The following FTCD variants were observed in gnomAD, a reference collection of about 807,000 sequenced individuals.
The protein encoded by FTCD is formimidoyltransferase-cyclodeaminase.
Under a neutral mutation model 62.9 loss-of-function variants are expected in FTCD, and 76 were observed. The observed-to-expected ratio is 1.21, with a 90% CI of 1.00 to 1.46. The LOEUF is 1.46. FTCD is among the 40% of genes most tolerant of loss of function. The probability of loss-of-function intolerance (pLI) is 0.00; values close to 1 mark genes in which losing one functional copy is unlikely to be tolerated. For missense variants in FTCD, 845 were observed against 751.3 expected, an observed-to-expected ratio of 1.12 and a Z score of -1.46; for synonymous variants, 397 against 336.9, an observed-to-expected ratio of 1.18 and a Z score of -1.95.
Position 46,137,071 on chromosome 21 carries a change from G to C in FTCD, c.1542C>G (p.Ile514Met), listed in dbSNP as rs1188258710. 1.9e-6 allele frequency: 3 copies of C among 1,613,802 alleles called. No individual in the cohort carries two copies. Among genetic ancestry groups the C allele is most frequent in the Non-Finnish European group, 1.7e-6 (2 of 1,179,996 alleles). Residue 514 changes from isoleucine (I) to methionine (M), a missense_variant and splice_region_variant, in exon 14 of 14, where the codon ATC becomes ATG. Coordinates refer to ENST00000397746, the MANE Select transcript of FTCD (RefSeq NM_206965.2). ...GCAGGAGGCTGGAAACACGATGGTG[G>C]ATCTGATGGACACAGGGAAAGAGGG... ...DITDEAFKDQ[I>M]HHRVSSLLQE...
intron 3 of FTCD, 52 bp downstream of exon 3, chr21:46,152,855 C>T (rs554903824): frequency 2.0e-6 from 3 of 1,481,034 alleles, no homozygotes; most frequent in Non-Finnish European, 1.8e-6. Context: ...GAGCCAATAA[C>T]CCACACCAAT....
At position 46,136,988 on chromosome 21, in the gene FTCD, C is replaced by T. The variant is rs2123473192; in HGVS notation, c.1625G>A (p.Ter542=). The T allele has an allele frequency of 6.2e-7, 1 of 1,613,290 alleles. No individual in the cohort carries two copies. Among genetic ancestry groups the T allele is most frequent in the East Asian group, 2.2e-5 (1 of 44,874 alleles). Reference sequence around the variant, plus strand: ...AGCCCGGAGAGGCCTCCCGCACCGTCACTCCTGCCGGGTCTCCAAGCAGTC... The same window carrying T: ...AGCCCGGAGAGGCCTCCCGCACCGTTACTCCTGCCGGGTCTCCAAGCAGTC... ...VLDCLETRQE[*] is the part of the protein sequence containing the mutation. Residue 542 remains the stop codon, a stop_retained_variant, in exon 14 of 14, where the codon TGA becomes TAA. Transcript: ENST00000397746.
At chr21:46,138,713 C>CTG in intron 11 of FTCD, 67 bp from the exon 12 acceptor site, 1 of 1,528,976 alleles carries the variant, frequency 6.5e-7, no homozygotes, top group Non-Finnish European at 9.0e-7. Flanking sequence ...CACACTGCAC[C>CTG]CCAACAGGGC....
At chr21:46,140,375 A>G (rs1324699720) in intron 10 of FTCD, among the ~76,000 whole-genome samples, 5 of 127,518 alleles carry the variant, frequency 3.9e-5, no homozygotes, top group African/African-American at 1.3e-4. Flanking sequence ...GTCCACCTTC[A>G]CGTGGCTCAC....
chr21:46,151,506 C>T, intron 5 of FTCD, 52 bp downstream of exon 5: 4 of 1,526,662 alleles, frequency 2.6e-6, no homozygotes, highest in Non-Finnish European at 3.6e-6. Context: ...CAGCCTCTAA[C>T]CCTTTCCCGA....
Position 46,137,301 on chromosome 21 carries a change from C to CA in FTCD, c.1476dup (p.Gly493TrpfsTer19), listed in dbSNP as rs749121951. The CA allele has an allele frequency of 2.5e-6, 4 of 1,613,724 alleles. No individual in the cohort carries two copies. Among genetic ancestry groups the CA allele is most frequent in the Non-Finnish European group, 3.4e-6 (4 of 1,179,968 alleles). ...TTGATGAGCACGTTGAAATATGCGCCAAACACGCCCATCTCCAGGGCTTTG... is the reference window on the plus strand; with the variant it reads ...TTGATGAGCACGTTGAAATATGCGCCAAAACACGCCCATCTCCAGGGCTTTG... On this transcript the variant is annotated frameshift_variant, in exon 13 of 14. Coordinates refer to ENST00000397746, the MANE Select transcript of FTCD (RefSeq NM_206965.2). LOFTEE classifies it high-confidence loss of function.
At chr21:46,137,386 G>T in intron 12 of FTCD, 52 bp from the exon 13 acceptor site, 1 of 1,349,456 alleles carries the variant, frequency 7.4e-7, no homozygotes, top group Non-Finnish European at 1.1e-6. Flanking sequence ...GCAAACTGCC[G>T]GAAGGAGGGT....
At chr21:46,144,661 TCCC>T (rs1413932363) in intron 10 of FTCD, among the ~76,000 whole-genome samples, 1 of 548 alleles carries the variant, frequency 1.8e-3, no homozygotes, top group African/African-American at 9.3e-3. Context: ...CCTCCCTCCC[TCCC>T]CATCCCTCCC....
intron 13 of FTCD, 48 bp from the exon 14 acceptor site, chr21:46,137,121 C>T (rs2078886916): frequency 6.2e-7 from 1 of 1,612,016 alleles, no homozygotes; most frequent in Non-Finnish European, 8.5e-7. Flanking sequence ...GTCTTCAGCC[C>T]AGCTTGCTGG....
chr21:46,139,935 T>C (rs566110140), intron 10 of FTCD, among the ~76,000 whole-genome samples: 1 of 152,304 alleles, frequency 6.6e-6, no homozygotes, highest in Admixed American at 6.5e-5. Flanking sequence ...GCCAAGGGTG[T>C]GCTTTAGGTG....
intron 2 of FTCD, among the ~76,000 whole-genome samples, chr21:46,153,486 C>G (rs1274944938): frequency 6.6e-6 from 1 of 152,206 alleles, no homozygotes; most frequent in African/African-American, 2.4e-5. Context: ...AGAATCCACT[C>G]TGCGTTTCCA....
rs1000375560 is a variant in FTCD, at chr21:46,150,402, A to C, written c.760T>G (p.Cys254Gly). Residue 254 changes from cysteine to glycine, a missense_variant, in exon 6 of 14, where the codon TGC becomes GGC. By Grantham distance (159) the Cys-to-Gly change is radical (BLOSUM62 -3). Coordinates refer to ENST00000397746, the MANE Select transcript of FTCD (RefSeq NM_206965.2). Reference protein sequence around the residue: ...TALHTVYEETCREAQELSLPV... With the variant: ...TALHTVYEETGREAQELSLPV... ...CCCGGGCTCACCTGTGCTTCTCGGC[A>C]GGTCTCCTCGTAGACCGTGTGCAGT... 1.2e-6 allele frequency: 2 copies of C among 1,612,772 alleles called. No individual in the cohort carries two copies. Among genetic ancestry groups the C allele is most frequent in the African/African-American group, 2.7e-5 (2 of 74,916 alleles).
chr21:46,141,756 G>A (rs1042558095), intron 10 of FTCD, among the ~76,000 whole-genome samples: 16 of 151,738 alleles, frequency 1.1e-4, no homozygotes, highest in African/African-American at 3.9e-4. Context: ...AGCCCCAAGA[G>A]AAACTAAGAT....
At chr21:46,139,476 C>T (rs1036412126) in intron 10 of FTCD, among the ~76,000 whole-genome samples, 1 of 152,168 alleles carries the variant, frequency 6.6e-6, no homozygotes, top group East Asian at 1.9e-4. Flanking sequence ...CAGCTGGGAC[C>T]ACACACCAAC....
chr21:46,152,180 C>A, intron 3 of FTCD, 200 bp from the exon 4 acceptor site: 2 of 547,636 alleles, frequency 3.7e-6, no homozygotes, highest in Non-Finnish European at 6.4e-6. Context: ...AGCACCCCTG[C>A]CCACCCCCTC....
chr21:46,151,083 T>C (rs1471714252), intron 5 of FTCD, among the ~76,000 whole-genome samples: 3 of 151,890 alleles, frequency 2.0e-5, no homozygotes, highest in African/African-American at 4.8e-5. Flanking sequence ...GGGCAGGTGG[T>C]CCCCCCCGCT....
Position 46,136,957 on chromosome 21 carries a change from CCA to C in FTCD, c.*28_*29del, listed in dbSNP as rs773921330. The C allele has an allele frequency of 6.2e-7, 1 of 1,612,714 alleles. No individual in the cohort carries two copies. Among genetic ancestry groups the C allele is most frequent in the Non-Finnish European group, 8.5e-7 (1 of 1,179,908 alleles). On this transcript the variant is annotated 3_prime_UTR_variant, in exon 14 of 14. Transcript: ENST00000397746. ...CCTCTGGGGATGGGCGAGGGAGGGGCCACAGAGCCCGGAGAGGCCTCCCGCAC... is the reference window on the plus strand; with the variant it reads ...CCTCTGGGGATGGGCGAGGGAGGGGCCAGAGCCCGGAGAGGCCTCCCGCAC...
Position 46,137,267 on chromosome 21 carries a change from T to G in FTCD, c.1511A>C (p.Asp504Ala), listed in dbSNP as rs779623491. The change falls in exon 13 of 14, where the codon GAC becomes GCC. Residue 504 changes from aspartate to alanine, a missense_variant. By Grantham distance (126) the Asp-to-Ala change is moderately radical. Transcript: ENST00000397746. The part of the protein sequence containing the change: ...AYFNVLINLR[D>A]ITDEAFKDQI... ...GTCCTTAAATGCCTCGTCTGTGATG[T>G]CCCTCAGGTTGATGAGCACGTTGAA... 3 of 1,613,588 alleles carry G rather than the reference T, an allele frequency of 1.9e-6. No individual in the cohort carries two copies.
chr21:46,150,059 A>G, intron 7 of FTCD, 60 bp downstream of exon 7: 1 of 1,283,534 alleles, frequency 7.8e-7, no homozygotes, highest in Non-Finnish European at 1.1e-6. Context: ...GAGCTCCGCC[A>G]CCGCCTCCCC....
Sources: allele counts gnomAD v4.1 joint callset (sites outside exome capture counted in the v4.1 genomes callset), GRCh38; gene constraint gnomAD v4.1.1; transcripts MANE v1.5; gene names NCBI Gene and HGNC (gene_info 2026-07-23, HGNC 2026-07-21).